KCNH8: variants seen among roughly 807,000 people sequenced by gnomAD.
The protein encoded by KCNH8 is potassium voltage-gated channel subfamily H member 8.
In KCNH8, 70 loss-of-function variants were observed where a neutral mutation model predicts 103.6. That is an observed-to-expected ratio of 0.68 (90% CI 0.56 to 0.82). The LOEUF (loss-of-function observed/expected upper bound fraction) is 0.82. Among genes scored for constraint, KCNH8 ranks in the 40% least tolerant of loss-of-function variants. The pLI is 0.00. For synonymous variants in KCNH8, 498 were observed against 489.4 expected (o/e 1.02, Z -0.23); for missense variants, 1,217 against 1,329.9 (o/e 0.92, Z 1.32).
Position 19,347,797 on chromosome 3 carries a change from C to G in KCNH8, c.643C>G (p.Leu215Val). 6.2e-7 allele frequency: 1 copy of G among 1,613,284 alleles called. No individual in the cohort carries two copies. Among genetic ancestry groups the G allele is most frequent in the Non-Finnish European group, 8.5e-7 (1 of 1,179,456 alleles). ...TGCAAAAAAGTCCAAATTCATACTT[C>G]TGCATTTTAGCACTTTTAAAGCTGG... is the stretch of plus-strand genomic sequence containing the variant. ...SDAKKSKFIL[L>V]HFSTFKAGWD... Residue 215 changes from leucine to valine, a missense_variant, in exon 5 of 16, where the codon CTG becomes GTG. Leu to Val is a conservative substitution (Grantham distance 32). Around this residue, in one of 3 missense-constraint regions of KCNH8, gnomAD observed 244 missense variants for 256.8 expected, o/e 0.95. Transcript: ENST00000328405.
chr3:19,338,337 A>G (rs188219284), intron 3 of KCNH8, among the ~76,000 whole-genome samples: 274 of 152,092 alleles, frequency 1.8e-3, no homozygotes, highest in Non-Finnish European at 3.3e-3. Flanking sequence ...TCTTATTAAC[A>G]ACTATTGATT....
At chr3:19,470,937 T>C (rs1559343142) in intron 11 of KCNH8, among the ~76,000 whole-genome samples, 1 of 152,190 alleles carries the variant, frequency 6.6e-6, no homozygotes, top group Non-Finnish European at 1.5e-5. Context: ...CTTTTCTGGG[T>C]TCTCTCCTGT....
intron 1 of KCNH8, 106 bp downstream of exon 1, chr3:19,148,901 T>C: frequency 2.0e-6 from 2 of 991,462 alleles, no homozygotes; most frequent in Non-Finnish European, 3.2e-6. Flanking sequence ...GGAGTGAATT[T>C]TCTTCTGTTC....
chr3:19,186,663 A>G (rs2063505438), intron 1 of KCNH8, among the ~76,000 whole-genome samples: 1 of 152,088 alleles, frequency 6.6e-6, no homozygotes, highest in African/African-American at 2.4e-5. Context: ...CATGTTAAAG[A>G]TTTTGTTTAA....
At chr3:19,259,425 A>G (rs1260072508) in intron 2 of KCNH8, among the ~76,000 whole-genome samples, 1 of 151,850 alleles carries the variant, frequency 6.6e-6, no homozygotes, top group African/African-American at 2.4e-5. Context: ...CAACCAGCAT[A>G]TATGTTATTT....
At chr3:19,229,683 A>G (rs2063971115) in intron 1 of KCNH8, among the ~76,000 whole-genome samples, 1 of 152,132 alleles carries the variant, frequency 6.6e-6, no homozygotes, top group Non-Finnish European at 1.5e-5. Context: ...TCCCCTCCTC[A>G]TCTCCATCTG....
intron 15 of KCNH8, among the ~76,000 whole-genome samples, chr3:19,531,463 G>C (rs1375283250): frequency 6.6e-6 from 1 of 152,194 alleles, no homozygotes; most frequent in Non-Finnish European, 1.5e-5. Context: ...ATGTGAGGCT[G>C]AGAGATGTTG....
chr3:19,342,612 A>G lies in KCNH8; in HGVS notation c.468A>G (p.Ala156=). 3 of 1,610,704 alleles carry G rather than the reference A, an allele frequency of 1.9e-6. No individual in the cohort carries two copies. Among genetic ancestry groups the G allele is most frequent in the Non-Finnish European group, 2.5e-6 (3 of 1,177,668 alleles). Residue 156 remains alanine, a synonymous_variant, in exon 4 of 16, where the codon GCA becomes GCG. Coordinates refer to ENST00000328405, the MANE Select transcript of KCNH8 (RefSeq NM_144633.3). ...KEDKVKGRSR[A]GTHFDSARRR... ...ACAAAGTCAAAGGAAGATCAAGAGC[A>G]GGGACCCACTTTGACTCAGCCCGGA...
At chr3:19,224,401 T>A (rs1159265011) in intron 1 of KCNH8, among the ~76,000 whole-genome samples, 1 of 152,152 alleles carries the variant, frequency 6.6e-6, no homozygotes, top group Non-Finnish European at 1.5e-5. Flanking sequence ...ACCATACTTG[T>A]TTTGAAAATT....
chr3:19,328,786 A>G (rs1053003341), intron 3 of KCNH8, among the ~76,000 whole-genome samples: 1 of 152,192 alleles, frequency 6.6e-6, no homozygotes, highest in South Asian at 2.1e-4. Context: ...ATATTTGACT[A>G]AGCATTAGAA....
rs142268411 is a variant in KCNH8 at position 19,312,222 on chromosome 3, G to A, written c.443-30365G>A. Among the ~76,000 whole-genome samples the A allele has an allele frequency of 6.4e-4, 97 of 151,958 alleles. 1 individual carries two copies. The highest frequency in any genetic ancestry group is 1.7e-3 in the Admixed American group (26 of 15,204). Reference sequence around the variant, plus strand: ...ATTCTAAAAATGCAAATGTGTATGGGCCAATCAATGGCATAAGAAGGAACT... The same window carrying A: ...ATTCTAAAAATGCAAATGTGTATGGACCAATCAATGGCATAAGAAGGAACT... On this transcript the variant is annotated intron_variant, in intron 3 of 15. Transcript: ENST00000328405.
chr3:19,500,067 T>C (rs916965867), intron 11 of KCNH8, among the ~76,000 whole-genome samples: 12 of 152,006 alleles, frequency 7.9e-5, no homozygotes, highest in African/African-American at 2.9e-4. Context: ...GAGACACACA[T>C]AGGCTCAAAT....
At chr3:19,293,340 A>C (rs1042302317) in intron 3 of KCNH8, among the ~76,000 whole-genome samples, 2 of 152,184 alleles carry the variant, frequency 1.3e-5, no homozygotes, top group African/African-American at 4.8e-5. Context: ...TTCTTCCCCA[A>C]ACCCCTACAA....
chr3:19,525,452 C>A (rs907092308), intron 15 of KCNH8, among the ~76,000 whole-genome samples: 1 of 151,858 alleles, frequency 6.6e-6, no homozygotes, highest in Non-Finnish European at 1.5e-5. Context: ...GACAAACTTT[C>A]ATTTGATGTT....
At chr3:19,424,657 C>T (rs184314599) in intron 7 of KCNH8, among the ~76,000 whole-genome samples, 86 of 152,008 alleles carry the variant, frequency 5.7e-4, no homozygotes, top group Non-Finnish European at 8.7e-4. Context: ...AAGAGTAAAC[C>T]GATGACCCAC....
chr3:19,328,732 T>C (rs2065465300), intron 3 of KCNH8, among the ~76,000 whole-genome samples: 1 of 152,214 alleles, frequency 6.6e-6, no homozygotes. Flanking sequence ...GATTCATACA[T>C]TATTTTGTGT....
chr3:19,389,237 C>T (rs1028283655), intron 5 of KCNH8, among the ~76,000 whole-genome samples: 7 of 152,162 alleles, frequency 4.6e-5, no homozygotes, highest in South Asian at 2.1e-4. Flanking sequence ...TTGGATCCTC[C>T]GATCAGGAAT....
At chr3:19,313,366 A>G (rs919272998) in intron 3 of KCNH8, among the ~76,000 whole-genome samples, 4 of 151,950 alleles carry the variant, frequency 2.6e-5, no homozygotes, top group Non-Finnish European at 5.9e-5. Flanking sequence ...CTGTGATCTT[A>G]GGCCAGGCAT....
chr3:19,310,470 G>T (rs1301618116), intron 3 of KCNH8, among the ~76,000 whole-genome samples: 1 of 151,810 alleles, frequency 6.6e-6, no homozygotes, highest in Admixed American at 6.6e-5. Context: ...CAATATATAG[G>T]ATGTGATTTT....
Sources: allele counts gnomAD v4.1 joint callset (sites outside exome capture counted in the v4.1 genomes callset), GRCh38; gene constraint gnomAD v4.1.1; regional missense constraint gnomAD v4.1.1; transcripts MANE v1.5; gene names NCBI Gene and HGNC (gene_info 2026-07-23, HGNC 2026-07-21).